Variants in SEL1L3 observed in about 807,000 individuals in gnomAD.
SEL1L3 encodes protein sel-1 homolog 3.
In SEL1L3, 76 loss-of-function variants were observed where a neutral mutation model predicts 142.8. The ratio of observed to expected loss-of-function variants is 0.53; its 90% confidence interval spans 0.44 to 0.64. SEL1L3 has a LOEUF of 0.64. SEL1L3 is among the 30% of genes least tolerant of loss of function. SEL1L3 has a pLI of 0.00. For missense variants in SEL1L3, 1,262 were observed against 1,381.7 expected, an observed-to-expected ratio of 0.91 and a Z score of 1.37; for synonymous variants, 504 against 519.6, an observed-to-expected ratio of 0.97 and a Z score of 0.41.
At chr4:25,814,300 C>G (rs1337401820) in intron 9 of SEL1L3, among the ~76,000 whole-genome samples, 1 of 152,152 alleles carries the variant, frequency 6.6e-6, no homozygotes, top group Non-Finnish European at 1.5e-5. Context: ...TCTATCCTGG[C>G]TCGTAGGGGG....
At chr4:25,752,023 C>T (rs1188840945) in intron 23 of SEL1L3, among the ~76,000 whole-genome samples, 3 of 138,306 alleles carry the variant, frequency 2.2e-5, no homozygotes, top group Non-Finnish European at 4.7e-5. Flanking sequence ...GCAGGAGAAT[C>T]GCTTGAACCC....
chr4:25,745,013 T>TTG (rs1560268506), downstream of SEL1L3, among the ~76,000 whole-genome samples: 4 of 151,396 alleles, frequency 2.6e-5, no homozygotes, highest in African/African-American at 9.8e-5. Context: ...ACATTAGGGT[T>TTG]TTTGTTTGTT....
chr4:25,779,838 G>A (rs1719878793), intron 15 of SEL1L3, among the ~76,000 whole-genome samples: 1 of 152,184 alleles, frequency 6.6e-6, no homozygotes, highest in African/African-American at 2.4e-5. Context: ...AAGTTAGGCA[G>A]GCTTGGTTCA....
the SEL1L3 span, chr4:25,718,289 T>C: frequency 6.6e-6 from 1 of 152,180 alleles, no homozygotes; most frequent in Non-Finnish European, 1.5e-5. Context: ...TAGTGACATT[T>C]GATCAGGAGA....
intron 5 of SEL1L3, 48 bp downstream of exon 5, chr4:25,832,947 T>A: frequency 8.3e-7 from 1 of 1,203,072 alleles, no homozygotes; most frequent in Admixed American, 1.8e-5. Context: ...TGCTTAACTT[T>A]AAGCGAAAAT....
chr4:25,774,962 A>G (rs1719507194), intron 17 of SEL1L3, among the ~76,000 whole-genome samples: 1 of 152,222 alleles, frequency 6.6e-6, no homozygotes, highest in South Asian at 2.1e-4. Context: ...GAGTGTTTAC[A>G]GGAGTGCTCT....
At chr4:25,851,887 CAAA>C (rs35600659) in intron 1 of SEL1L3, among the ~76,000 whole-genome samples, 3 of 59,602 alleles carry the variant, frequency 5.0e-5, no homozygotes, top group Non-Finnish European at 3.6e-5. Flanking sequence ...GACTCTGTCT[CAAA>C]AAAAAAAAAA....
chr4:25,770,818 ACAAT>A (rs543772199), intron 17 of SEL1L3, among the ~76,000 whole-genome samples: 51 of 152,258 alleles, frequency 3.3e-4, no homozygotes, highest in African/African-American at 1.1e-3. Flanking sequence ...TTCATCTTGC[ACAAT>A]CAATCACCCA....
intron 20 of SEL1L3, among the ~76,000 whole-genome samples, chr4:25,762,351 G>A (rs1365553885): frequency 3.3e-5 from 5 of 152,176 alleles, no homozygotes; most frequent in Non-Finnish European, 7.3e-5. Context: ...AATATTCATT[G>A]TAGCACTAGC....
the SEL1L3 span, among the ~76,000 whole-genome samples, chr4:25,731,303 C>T: frequency 1.3e-5 from 2 of 152,114 alleles, no homozygotes; most frequent in Non-Finnish European, 2.9e-5. Context: ...AGAGTAAACT[C>T]ATACAAGAAC....
At chr4:25,751,857 T>C (rs991139292) in intron 23 of SEL1L3, among the ~76,000 whole-genome samples, 1 of 151,926 alleles carries the variant, frequency 6.6e-6, no homozygotes, top group Non-Finnish European at 1.5e-5. Flanking sequence ...ACGCCTGTAA[T>C]CCCAGCACTT....
chr4:25,787,906 G>A (rs558282893), intron 13 of SEL1L3, among the ~76,000 whole-genome samples: 10 of 152,338 alleles, frequency 6.6e-5, no homozygotes, highest in Admixed American at 3.9e-4. Flanking sequence ...TCTGCCTGGT[G>A]GCAAACTTGC....
chr4:25,751,926 T>G (rs1027802659), intron 23 of SEL1L3, among the ~76,000 whole-genome samples: 1 of 151,442 alleles, frequency 6.6e-6, no homozygotes, highest in South Asian at 2.1e-4. Context: ...CTAACCAACA[T>G]GGTGAAACCC....
At chr4:25,787,177 A>G (rs1327703827) in intron 13 of SEL1L3, among the ~76,000 whole-genome samples, 3 of 152,248 alleles carry the variant, frequency 2.0e-5, no homozygotes, top group African/African-American at 7.2e-5. Context: ...GGCAAATTAC[A>G]AAACCTTTCT....
At chr4:25,724,588 A>C in the SEL1L3 span, among the ~76,000 whole-genome samples, 1 of 151,530 alleles carries the variant, frequency 6.6e-6, no homozygotes, top group Non-Finnish European at 1.5e-5. Context: ...AAATACAAAA[A>C]ATTAACTGGG....
chr4:25,792,538 G>A (rs1446314496), intron 11 of SEL1L3, among the ~76,000 whole-genome samples: 3 of 152,252 alleles, frequency 2.0e-5, no homozygotes, highest in African/African-American at 7.2e-5. Flanking sequence ...CCTGGGTGGG[G>A]AGCCTGGAAT....
downstream of SEL1L3, among the ~76,000 whole-genome samples, chr4:25,744,348 C>T (rs1333272121): frequency 1.0e-3 from 101 of 101,402 alleles, no homozygotes; most frequent in Admixed American, 1.3e-3. Context: ...ATGTGTGAGT[C>T]TTTTTTTTTT....
At chr4:25,807,601 C>T (rs1026478151) in intron 9 of SEL1L3, among the ~76,000 whole-genome samples, 2 of 152,036 alleles carry the variant, frequency 1.3e-5, no homozygotes, top group African/African-American at 4.8e-5. Flanking sequence ...CCTGCCTCAC[C>T]TATTCTGCCA....
At chr4:25,746,519 TA>T, downstream of SEL1L3, among the ~76,000 whole-genome samples, 1 of 137,794 alleles carries the variant, frequency 7.3e-6, no homozygotes, top group Non-Finnish European at 1.6e-5. Context: ...TATATATATA[TA>T]TATATATTTA....
Sources: allele counts gnomAD v4.1 joint callset (sites outside exome capture counted in the v4.1 genomes callset), GRCh38; gene constraint gnomAD v4.1.1; transcripts MANE v1.5; gene names NCBI Gene and HGNC (gene_info 2026-07-23, HGNC 2026-07-21).